ORC4: variants seen among roughly 807,000 people sequenced by gnomAD.
ORC4 encodes origin recognition complex subunit 4.
Under a neutral mutation model 63.9 loss-of-function variants are expected in ORC4, and 55 were observed. The observed-to-expected ratio is 0.86, with a 90% confidence interval of 0.69 to 1.08. ORC4 has a LOEUF of 1.08. Ranked by LOEUF, ORC4 falls within the 50% of genes least tolerant of loss-of-function variation. The pLI is 0.00. For missense variants in ORC4, 511 were observed against 504.4 expected (o/e 1.01, Z -0.13); for synonymous variants, 150 against 168.5 (o/e 0.89, Z 0.85).
rs534080667 is a variant in ORC4, at chr2:147,952,498, T to G, written c.463A>C (p.Ile155Leu). 7 of 1,611,588 alleles carry G rather than the reference T, an allele frequency of 4.3e-6. No individual in the cohort carries two copies. In the East Asian group the frequency reaches 1.6e-4, roughly 36 times the overall value. Residue 155 changes from isoleucine to leucine, a missense_variant, in exon 8 of 14, where the codon ATC (isoleucine) becomes CTC (leucine). Ile to Leu is a conservative substitution (Grantham distance 5). Transcript: ENST00000392857. ...KGDRTSSCPV[I>L]FILDEFDLFA... Reference sequence around the variant, plus strand: ...AGATCAAATTCATCTAATATGAAGATCACTGGGCAACTGCTAGTTCGGTCA... The same window carrying G: ...AGATCAAATTCATCTAATATGAAGAGCACTGGGCAACTGCTAGTTCGGTCA...
intron 1 of ORC4, among the ~76,000 whole-genome samples, chr2:147,978,464 C>T (rs534612455): frequency 3.2e-4 from 48 of 152,282 alleles, no homozygotes; most frequent in African/African-American, 1.0e-3. Flanking sequence ...AGGGCTGTTT[C>T]AGTATTTAAT....
chr2:147,938,774 T>C, intron 11 of ORC4: 1 of 331,086 alleles, frequency 3.0e-6, no homozygotes, highest in South Asian at 3.0e-5. Flanking sequence ...GGAAATTATA[T>C]CCAAATCTGT....
intron 1 of ORC4, among the ~76,000 whole-genome samples, chr2:147,985,844 T>C (rs761958480): frequency 1.3e-5 from 2 of 152,080 alleles, no homozygotes; most frequent in Non-Finnish European, 2.9e-5. Context: ...CAAGATGACA[T>C]AGCTTACTTA....
intron 3 of ORC4, 91 bp downstream of exon 3, chr2:147,973,353 CTTTA>C (rs1690336463): frequency 3.7e-6 from 3 of 809,354 alleles, no homozygotes; most frequent in African/African-American, 1.7e-5. Context: ...TGTTTGTTAG[CTTTA>C]TTTAATATCA....
At chr2:147,977,355 T>G (rs531736035) in intron 1 of ORC4, among the ~76,000 whole-genome samples, 2 of 152,236 alleles carry the variant, frequency 1.3e-5, no homozygotes, top group East Asian at 3.9e-4. Flanking sequence ...CTCATAAAAC[T>G]CAAAAAAAGC....
At chr2:148,010,332 TAAAG>T (rs1450988381) in intron 1 of ORC4, among the ~76,000 whole-genome samples, 1 of 146,764 alleles carries the variant, frequency 6.8e-6, no homozygotes, top group East Asian at 2.0e-4. Flanking sequence ...AGAGAAATAA[TAAAG>T]AAAACAAGAA....
chr2:147,980,894 A>G (rs1456515648), intron 1 of ORC4, among the ~76,000 whole-genome samples: 1 of 152,206 alleles, frequency 6.6e-6, no homozygotes, highest in South Asian at 2.1e-4. Context: ...AAATGAAATC[A>G]ATATGTCAAA....
intron 13 of ORC4, 141 bp downstream of exon 13, chr2:147,938,005 T>A: frequency 1.4e-6 from 1 of 697,426 alleles, no homozygotes; most frequent in Non-Finnish European, 2.5e-6. Flanking sequence ...AAATATTTCA[T>A]TTTTAGATAA....
At chr2:147,999,628 C>CA (rs1227197746) in intron 1 of ORC4, among the ~76,000 whole-genome samples, 4 of 152,044 alleles carry the variant, frequency 2.6e-5, no homozygotes, top group African/African-American at 9.7e-5. Flanking sequence ...GACCTAAAGG[C>CA]AGAAGCTTGG....
chr2:147,987,033 A>G (rs1466741573), intron 1 of ORC4, among the ~76,000 whole-genome samples: 1 of 152,066 alleles, frequency 6.6e-6, no homozygotes, highest in African/African-American at 2.4e-5. Flanking sequence ...AGGAACTTAA[A>G]ACTATTTTTT....
intron 1 of ORC4, among the ~76,000 whole-genome samples, chr2:148,020,253 G>A (rs1693616697): frequency 6.6e-6 from 1 of 152,200 alleles, no homozygotes; most frequent in African/African-American, 2.4e-5. Context: ...AATGCATACA[G>A]AGGACTTGTC....
chr2:148,014,692 TA>T (rs1225507586), intron 1 of ORC4, among the ~76,000 whole-genome samples: 1 of 152,082 alleles, frequency 6.6e-6, no homozygotes, highest in South Asian at 2.1e-4. Flanking sequence ...AACACGACTA[TA>T]AAAAATAATA....
At chr2:148,010,857 T>A (rs1692925213) in intron 1 of ORC4, among the ~76,000 whole-genome samples, 1 of 146,744 alleles carries the variant, frequency 6.8e-6, no homozygotes, top group South Asian at 2.2e-4. Flanking sequence ...TCTTTTTTTT[T>A]TTTTTTTTTT....
At chr2:147,983,139 T>G (rs1690988535) in intron 1 of ORC4, among the ~76,000 whole-genome samples, 1 of 152,220 alleles carries the variant, frequency 6.6e-6, no homozygotes, top group Non-Finnish European at 1.5e-5. Context: ...GCATGGCTAC[T>G]CTGAAAAGTT....
At position 147,935,467 on chromosome 2, in the gene ORC4, A is replaced by G. The variant is rs558870854; in HGVS notation, c.*43T>C. 157 of 1,411,534 alleles carry G rather than the reference A, an allele frequency of 1.1e-4. 2 individuals are homozygous for G. In the South Asian group the frequency reaches 1.3e-3, roughly 12 times the overall value. The allele number at this position is 1,411,534 out of a possible 1,614,324, so 87.4% of individuals were successfully genotyped here. ...TGGACAATAGTTTTCCGTTCTCTAC[A>G]GAAGTATGAATGAAATGCCAAAGTT... On this transcript the variant is annotated 3_prime_UTR_variant, in exon 14 of 14. Transcript: ENST00000392857.
chr2:147,976,038 A>G, intron 1 of ORC4, 63 bp from the exon 2 acceptor site: 1 of 851,246 alleles, frequency 1.2e-6, no homozygotes, highest in South Asian at 1.3e-5. Context: ...TTAAGAATTT[A>G]CTGTTCTAGA....
chr2:147,954,399 T>C (rs544677975), intron 7 of ORC4, among the ~76,000 whole-genome samples: 2 of 152,174 alleles, frequency 1.3e-5, no homozygotes, highest in African/African-American at 4.8e-5. Context: ...TATAGCCTAC[T>C]AGACACCTAG....
In ORC4 at chr2:148,014,604, T is replaced by C. The variant is rs1481539293; in HGVS notation, c.-18+6029A>G. 2.6e-5 allele frequency among the ~76,000 whole-genome samples: 4 copies of C among 152,106 alleles called. No homozygotes were observed. In the East Asian group the frequency reaches 7.7e-4, roughly 29 times the overall value. On this transcript the variant is annotated intron_variant, in intron 1 of 13. Coordinates refer to ENST00000392857, the MANE Select transcript of ORC4 (RefSeq NM_181741.4). Reference sequence around the variant, plus strand: ...GGAATTATCTTCAACAAACAACAAATGAACTATGAATATAGTCGGCCCTTC... The same window carrying C: ...GGAATTATCTTCAACAAACAACAAACGAACTATGAATATAGTCGGCCCTTC...
intron 9 of ORC4, among the ~76,000 whole-genome samples, chr2:147,945,491 AG>A (rs2105278537): frequency 6.6e-6 from 1 of 152,242 alleles, no homozygotes; most frequent in East Asian, 1.9e-4. Flanking sequence ...TTTGAGGATA[AG>A]GCTATTATCA....
Sources: allele counts gnomAD v4.1 joint callset (sites outside exome capture counted in the v4.1 genomes callset), GRCh38; gene constraint gnomAD v4.1.1; transcripts MANE v1.5; gene names NCBI Gene and HGNC (gene_info 2026-07-23, HGNC 2026-07-21).